Variants in RRM2 observed in about 807,000 individuals in gnomAD.
RRM2 encodes the protein ribonucleotide reductase regulatory subunit M2, also known as ribonucleoside-diphosphate reductase subunit M2.
RRM2 carries 6 observed loss-of-function variants against 45.9 expected under a neutral mutation model. The observed-to-expected ratio is 0.13, with a 90% CI of 0.07 to 0.26. The LOEUF is 0.26. Ranked by LOEUF, RRM2 falls within the 10% of genes least tolerant of loss-of-function variation. The pLI is 1.00. For missense variants in RRM2, 343 were observed against 489.5 expected (o/e 0.70, Z 2.82); for synonymous variants, 177 against 173.0 (o/e 1.02, Z -0.18).
chr2:10,207,191 C>T (rs953456635), intron 3 of RRM2, among the ~76,000 whole-genome samples: 3 of 152,134 alleles, frequency 2.0e-5, no homozygotes, highest in African/African-American at 7.2e-5. Context: ...CTTGATACCC[C>T]TTCTCCCTCA....
upstream of RRM2, among the ~76,000 whole-genome samples, chr2:10,137,780 G>A (rs1399278697): frequency 6.6e-6 from 1 of 152,182 alleles, no homozygotes; most frequent in African/African-American, 2.4e-5. Context: ...CTGAGCCTCT[G>A]AGTCTTCCCT....
rs1349955360 is a variant in RRM2 at position 10,199,529 on chromosome 2, C to T, written n.483-10782C>T. ...AGGTGTGGTGGCTCACACCTGTAAT[C>T]CCAGCACTTTGGGAGGCCGAGGTGG... is the stretch of plus-strand genomic sequence containing the variant. On this transcript the variant is annotated intron_variant and non_coding_transcript_variant, in intron 3 of 3. Transcript: ENST00000381786. 2.0e-5 allele frequency among the ~76,000 whole-genome samples: 3 copies of T among 151,904 alleles called. No individual in the cohort carries two copies. The East Asian group carries it at 5.8e-4, about 29-fold the overall frequency.
chr2:10,169,497 G>C lies in RRM2; in HGVS notation n.482+27122G>C, dbSNP rs1403509639. Among the ~76,000 whole-genome samples the C allele has an allele frequency of 2.6e-5, 4 of 152,196 alleles. No homozygotes were observed. Among genetic ancestry groups the C allele is most frequent in the Non-Finnish European group, 5.9e-5 (4 of 68,038 alleles). On this transcript the variant is annotated intron_variant and non_coding_transcript_variant, in intron 3 of 3. Transcript: ENST00000381786. This position sits in a 1 kb window ranked among gnomAD's most constrained non-coding sequence, Gnocchi z 5.1. ...CCAGCAAAATGCTCTGCATGGGACA[G>C]GTTCTGGTTTTTGCTACAGAGACTG... is the stretch of plus-strand genomic sequence containing the variant.
At position 10,124,055 on chromosome 2, in the gene RRM2, A is replaced by G. The variant is rs1662729369; in HGVS notation, c.435+203A>G. ...TCCCGACTCTAGAGAAGCTGAGACA[A>G]TATTAAGTGGTAGCAATGTGATGAC... On this transcript the variant is annotated intron_variant, in intron 4 of 9. Coordinates refer to ENST00000304567, the MANE Select transcript of RRM2 (RefSeq NM_001034.4). The G allele has an allele frequency of 7.0e-6, 4 of 574,306 alleles. No individual in the cohort carries two copies. In the Admixed American group the frequency reaches 9.9e-5, roughly 14 times the overall value. 35.6% of individuals were successfully genotyped at this position (574,306 alleles called of 1,614,324 possible). A position where few individuals can be genotyped will look rare whatever the true frequency, so the allele number is the denominator to read the frequency against.
chr2:10,152,476 AT>A (rs34724080), intron 3 of RRM2, among the ~76,000 whole-genome samples: 67,079 of 134,786 alleles, frequency 0.5, 15,773 homozygotes, highest in Non-Finnish European at 0.56. Context: ...TCTGTGTACT[AT>A]TTTTTTTTTT....
upstream of RRM2, chr2:10,122,655 A>C: frequency 6.5e-7 from 1 of 1,547,894 alleles, no homozygotes; most frequent in Non-Finnish European, 8.7e-7. Context: ...GCCAATGGGA[A>C]GGGCCGGGGC....
At position 10,206,194 on chromosome 2, in the gene RRM2, T is replaced by C. The variant is rs549841480; in HGVS notation, n.483-4117T>C. Reference sequence around the variant, plus strand: ...CTGGGAGGCGGAGCTTGCAGTGAGCTGAGATCGCACCACTGTACTCCAGCC... The same window carrying C: ...CTGGGAGGCGGAGCTTGCAGTGAGCCGAGATCGCACCACTGTACTCCAGCC... On this transcript the variant is annotated intron_variant and non_coding_transcript_variant, in intron 3 of 3. Transcript: ENST00000381786. Among the ~76,000 whole-genome samples the C allele has an allele frequency of 3.4e-5, 5 of 146,484 alleles. No individual in the cohort carries two copies. The Admixed American group carries it at 3.5e-4, about 10-fold the overall frequency.
At chr2:10,153,053 C>T (rs558029128) in intron 3 of RRM2, among the ~76,000 whole-genome samples, 8 of 151,812 alleles carry the variant, frequency 5.3e-5, no homozygotes, top group East Asian at 2.0e-4. Context: ...ATCAAAGGGC[C>T]GGGTGTGGTG....
intron 3 of RRM2, among the ~76,000 whole-genome samples, chr2:10,173,575 G>A (rs1663847866): frequency 6.6e-6 from 1 of 152,248 alleles, no homozygotes; most frequent in Admixed American, 6.5e-5. Context: ...CCACCCCTGG[G>A]CAGGGCTCTG....
At chr2:10,209,174 C>T (rs776701047) in intron 3 of RRM2, among the ~76,000 whole-genome samples, 16 of 151,682 alleles carry the variant, frequency 1.1e-4, no homozygotes, top group Middle Eastern at 6.8e-3. Flanking sequence ...TCTTTTGCCT[C>T]ATTCCCCTGA....
At position 10,123,798 on chromosome 2, in the gene RRM2, A is replaced by T; in HGVS notation, c.381A>T (p.Ile127=). ...TGAAACCCGAGGAGAGATATTTTAT[A>T]TCCCATGTTCTGGCTTTCTTTGCAG... is the stretch of plus-strand genomic sequence containing the variant. ...ESLKPEERYF[I]SHVLAFFAAS... is the part of the protein sequence containing the mutation. The change falls in exon 4 of 10, where the codon ATA becomes ATT. Residue 127 remains isoleucine (I), a synonymous_variant. Coordinates refer to ENST00000304567, the MANE Select transcript of RRM2 (RefSeq NM_001034.4). 1 of 1,613,280 alleles carries T rather than the reference A, an allele frequency of 6.2e-7. No homozygotes were observed. The highest frequency in any genetic ancestry group is 8.5e-7 in the Non-Finnish European group (1 of 1,179,186).
upstream of RRM2, among the ~76,000 whole-genome samples, chr2:10,138,930 A>G (rs1663034987): frequency 6.6e-6 from 1 of 152,082 alleles, no homozygotes; most frequent in Non-Finnish European, 1.5e-5. Context: ...CAACATGGTG[A>G]AACCCCATCT....
chr2:10,162,626 G>A (rs1663586564), intron 3 of RRM2, among the ~76,000 whole-genome samples: 2 of 152,134 alleles, frequency 1.3e-5, no homozygotes, highest in Non-Finnish European at 2.9e-5. Flanking sequence ...ACTGTGCACC[G>A]TGAGTTAGCC....
At chr2:10,152,608 A>T (rs1323094227) in intron 3 of RRM2, among the ~76,000 whole-genome samples, 1 of 151,308 alleles carries the variant, frequency 6.6e-6, no homozygotes, top group African/African-American at 2.4e-5. Flanking sequence ...TCAGCCTCCC[A>T]AGTAGCTGGG....
downstream of RRM2, among the ~76,000 whole-genome samples, chr2:10,133,729 TGAG>T (rs1662942635): frequency 6.8e-6 from 1 of 146,758 alleles, no homozygotes; most frequent in Non-Finnish European, 1.5e-5. Flanking sequence ...TTTTTAATGA[TGAG>T]AATAGCTGAA....
downstream of RRM2, among the ~76,000 whole-genome samples, chr2:10,135,990 C>T (rs115855195): frequency 4.1e-3 from 630 of 152,206 alleles, 5 homozygotes; most frequent in African/African-American, 0.015. Flanking sequence ...TCCTCTGGCC[C>T]TACACACAGT....
At chr2:10,139,692 C>T (rs568033412), upstream of RRM2, among the ~76,000 whole-genome samples, 35 of 152,268 alleles carry the variant, frequency 2.3e-4, no homozygotes, top group Middle Eastern at 3.4e-3. Flanking sequence ...CTGTTTGGGG[C>T]GTTTCAGAGA....
chr2:10,142,077 G>C, intron 2 of RRM2: 3 of 1,596,626 alleles, frequency 1.9e-6, no homozygotes, highest in Non-Finnish European at 2.6e-6. Flanking sequence ...CGACCACGTG[G>C]TTAGGGGAGG....
rs980395572 is a variant in RRM2, at chr2:10,169,520, C to A, written n.482+27145C>A. 1.3e-5 allele frequency among the ~76,000 whole-genome samples: 2 copies of A among 152,148 alleles called. No homozygotes were observed. The highest frequency in any genetic ancestry group is 4.8e-5 in the African/African-American group (2 of 41,432). Reference sequence around the variant, plus strand: ...CAGGTTCTGGTTTTTGCTACAGAGACTGTAAGAGATGCAAAGCCAGGACGG... The same window carrying A: ...CAGGTTCTGGTTTTTGCTACAGAGAATGTAAGAGATGCAAAGCCAGGACGG... On this transcript the variant is annotated intron_variant and non_coding_transcript_variant, in intron 3 of 3. Coordinates refer to the RRM2 transcript ENST00000381786. This position sits in a 1 kb window ranked among gnomAD's most constrained non-coding sequence, Gnocchi z 5.1.
Sources: gnomAD v4.1 joint callset for allele counts (sites outside exome capture counted in the v4.1 genomes callset) on GRCh38, gnomAD v4.1.1 for gene constraint, Gnocchi (gnomAD v3.1) non-coding constraint, MANE v1.5 for transcripts, NCBI Gene and HGNC (gene_info 2026-07-23, HGNC 2026-07-21) for gene names.